The following PDIA6 variants were observed in gnomAD, a reference collection of about 807,000 sequenced individuals.
The protein encoded by PDIA6 is protein disulfide-isomerase A6.
A neutral mutation model predicts 58.4 loss-of-function variants in PDIA6; 29 were observed. That is an observed-to-expected ratio of 0.50 (90% CI 0.37 to 0.68). The LOEUF is 0.68. PDIA6 is among the 30% of genes least tolerant of loss of function. The pLI, the probability that PDIA6 is intolerant of heterozygous loss-of-function variation, is 0.00. For missense variants in PDIA6, 480 were observed against 551.0 expected, an observed-to-expected ratio of 0.87 and a Z score of 1.29; for synonymous variants, 192 against 202.6, an observed-to-expected ratio of 0.95 and a Z score of 0.44.
At chr2:10,794,184 G>A (rs1040843010) in intron 4 of PDIA6, among the ~76,000 whole-genome samples, 3 of 152,068 alleles carry the variant, frequency 2.0e-5, no homozygotes, top group African/African-American at 7.2e-5. Context: ...GGTGGCTCAC[G>A]CCTGGGATCT....
At chr2:10,793,426 A>T (rs1666127528) in intron 4 of PDIA6, among the ~76,000 whole-genome samples, 1 of 152,058 alleles carries the variant, frequency 6.6e-6, no homozygotes, top group Admixed American at 6.6e-5. Flanking sequence ...TATTATTATT[A>T]TTTTTTGAGA....
Position 10,793,155 on chromosome 2 carries a change from G to A in PDIA6, c.394C>T (p.Arg132Cys), listed in dbSNP as rs763811699. Residue 132 changes from arginine (R) to cysteine (C), a missense_variant, in exon 5 of 13, where the codon CGC becomes TGC. Physicochemically the swap from Arg to Cys is radical, Grantham distance 180. Coordinates refer to ENST00000272227, the MANE Select transcript of PDIA6 (RefSeq NM_005742.4). ...AIVDAALSALRQLVKDRLGGR... is the reference protein window; with the variant it reads ...AIVDAALSALCQLVKDRLGGR... The stretch of plus-strand genomic sequence containing the variant: ...CCGAGGCGATCCTTCACGAGCTGGC[G>A]CAGAGCACTCAGCGCAGCATCTACA... 4.3e-6 allele frequency: 7 copies of A among 1,614,090 alleles called. No homozygotes were observed. Among genetic ancestry groups the A allele is most frequent in the Admixed American group, 3.3e-5 (2 of 60,026 alleles).
chr2:10,831,172 T>C (rs868645873), intron 1 of PDIA6, among the ~76,000 whole-genome samples: 1 of 152,218 alleles, frequency 6.6e-6, no homozygotes, highest in Admixed American at 6.5e-5. Flanking sequence ...ATGAGTCTAC[T>C]GTGATAGGGC....
chr2:10,799,478 C>A (rs2148549153), intron 2 of PDIA6, among the ~76,000 whole-genome samples: 1 of 152,292 alleles, frequency 6.6e-6, no homozygotes, highest in South Asian at 2.1e-4. Context: ...CATCCAGTGT[C>A]AGAGCTGCCT....
chr2:10,812,810 A>G (rs1290939723), upstream of PDIA6: 5 of 1,190,992 alleles, frequency 4.2e-6, no homozygotes, highest in Non-Finnish European at 5.2e-6. Flanking sequence ...CGGTGGTCCG[A>G]GGGGCGGCCG....
chr2:10,790,850 G>T lies in PDIA6; in HGVS notation c.585-17C>A, dbSNP rs200721282. 2 of 1,577,866 alleles carry T rather than the reference G, an allele frequency of 1.3e-6. No individual in the cohort carries two copies. Among genetic ancestry groups the T allele is most frequent in the Non-Finnish European group, 8.7e-7 (1 of 1,148,278 alleles). On this transcript the variant is annotated splice_polypyrimidine_tract_variant and intron_variant, in intron 6 of 12. Transcript: ENST00000272227. The stretch of plus-strand genomic sequence containing the variant: ...GGCTCTAGGCTATAGAAAAATATTC[G>T]TTTTGTTTTGTTTCTTTGAGACACA...
intron 10 of PDIA6, among the ~76,000 whole-genome samples, chr2:10,787,948 C>T (rs1025092210): frequency 1.3e-5 from 2 of 151,922 alleles, no homozygotes; most frequent in African/African-American, 4.8e-5. Context: ...CGCCTGTAGT[C>T]CCAGCTACGC....
In PDIA6 at chr2:10,789,843, G is replaced by A. The variant is rs529354043; in HGVS notation, c.746C>T (p.Pro249Leu). The A allele has an allele frequency of 6.2e-6, 10 of 1,613,736 alleles. No homozygotes were observed. The African/African-American group carries it at 1.3e-4, about 22-fold the overall frequency. Residue 249 changes from proline (P) to leucine (L), a missense_variant, in exon 8 of 13, where the codon CCT becomes CTT. Coordinates refer to ENST00000272227, the MANE Select transcript of PDIA6 (RefSeq NM_005742.4). ...TGTCCGCCCACCGTCATAATCCACA[G>A]GAGACTCGCCTTTCTGAAATATCTT... ...TIKIFQKGES[P>L]VDYDGGRTRS... is the part of the protein sequence containing the mutation.
rs143990662 is a variant in PDIA6 at position 10,797,285 on chromosome 2, T to A, written c.220-78A>T. The stretch of plus-strand genomic sequence containing the variant: ...ACAAGAACTCATTATCTGCTTCACA[T>A]AGACTCAGAAAAAGGTAATAAAGCA... On this transcript the variant is annotated intron_variant, in intron 3 of 12. Coordinates refer to ENST00000272227, the MANE Select transcript of PDIA6 (RefSeq NM_005742.4). The A allele has an allele frequency of 3.8e-4, 534 of 1,399,796 alleles. 1 individual carries two copies. Among genetic ancestry groups the A allele is most frequent in the Non-Finnish European group, 4.7e-4 (485 of 1,027,694 alleles). 86.7% of individuals were successfully genotyped at this position (1,399,796 alleles called of 1,614,324 possible). A position where few individuals can be genotyped will look rare whatever the true frequency, so the allele number is the denominator to read the frequency against.
intron 10 of PDIA6, 118 bp from the exon 11 acceptor site, chr2:10,787,557 A>G: frequency 5.2e-6 from 5 of 963,564 alleles, no homozygotes; most frequent in Non-Finnish European, 7.5e-6. Context: ...TGACAAATAA[A>G]AACAAAAGAT....
At chr2:10,818,146 A>C (rs906031936) in intron 2 of PDIA6, among the ~76,000 whole-genome samples, 4 of 151,992 alleles carry the variant, frequency 2.6e-5, no homozygotes, top group Non-Finnish European at 5.9e-5. Context: ...CATAACATAA[A>C]ATAAAATTTA....
intron 1 of PDIA6, among the ~76,000 whole-genome samples, chr2:10,822,329 C>T (rs1423863614): frequency 1.3e-5 from 2 of 152,218 alleles, no homozygotes; most frequent in East Asian, 3.9e-4. Context: ...GTGGCGCGAT[C>T]TAGGCTCACT....
At chr2:10,818,028 T>C (rs1445323753) in intron 2 of PDIA6, among the ~76,000 whole-genome samples, 1 of 152,164 alleles carries the variant, frequency 6.6e-6, no homozygotes, top group Non-Finnish European at 1.5e-5. Context: ...ACAGTGCTCC[T>C]CTCTGGACTT....
chr2:10,819,483 A>G lies in PDIA6; in HGVS notation c.-47-129T>C, dbSNP rs113557438. The G allele has an allele frequency of 6.0e-3, 3,652 of 613,250 alleles. 109 individuals are homozygous for G. The African/African-American group carries it at 0.06, about 10-fold the overall frequency. 38.0% of individuals were successfully genotyped at this position (613,250 alleles called of 1,614,324 possible). ...CTAAAACTGCTTTTGTTAATCAACG[A>G]AAAGTTATAGTGCTGAAAAATCTTA... On this transcript the variant is annotated intron_variant, in intron 1 of 13. Transcript: ENST00000381611.
chr2:10,800,213 G>C (rs1256827867), intron 2 of PDIA6, among the ~76,000 whole-genome samples: 1 of 152,122 alleles, frequency 6.6e-6, no homozygotes, highest in Non-Finnish European at 1.5e-5. Flanking sequence ...GCTGGATCTT[G>C]GTACCGGTTT....
chr2:10,789,763 G>GA lies in PDIA6; in HGVS notation c.825dup (p.Pro276SerfsTer2). 6.2e-7 allele frequency: 1 copy of GA among 1,613,830 alleles called. No individual in the cohort carries two copies. The highest frequency in any genetic ancestry group is 1.1e-5 in the South Asian group (1 of 91,054). ...AAGTGGTTTACCTCAAGCAGCTCAG[G>GA]AGGTGGGGCGTTATCAGAAAACAAA... is the stretch of plus-strand genomic sequence containing the variant. On this transcript the variant is annotated frameshift_variant, in exon 8 of 13. Coordinates refer to ENST00000272227, the MANE Select transcript of PDIA6 (RefSeq NM_005742.4). LOFTEE classifies it high-confidence loss of function.
chr2:10,837,107 G>A (rs11888935), upstream of PDIA6, among the ~76,000 whole-genome samples: 848 of 152,272 alleles, frequency 5.6e-3, 8 homozygotes, highest in African/African-American at 0.019. Flanking sequence ...GCTTCCAGGG[G>A]CAGCAGGATC....
intron 7 of PDIA6, 82 bp from the exon 8 acceptor site, chr2:10,789,971 T>A: frequency 7.9e-7 from 1 of 1,265,150 alleles, no homozygotes; most frequent in Non-Finnish European, 1.1e-6. Flanking sequence ...TAAAACCACC[T>A]TATAGGTAAT....
chr2:10,836,002 G>T (rs11887326), upstream of PDIA6, among the ~76,000 whole-genome samples: 1,997 of 151,514 alleles, frequency 0.013, 46 homozygotes, highest in African/African-American at 0.045. Context: ...AGTGAGCCAA[G>T]ATCGAGCCAC....
Sources: allele counts gnomAD v4.1 joint callset (sites outside exome capture counted in the v4.1 genomes callset), GRCh38; gene constraint gnomAD v4.1.1; transcripts MANE v1.5; gene names NCBI Gene and HGNC (gene_info 2026-07-23, HGNC 2026-07-21).